SEPTIN8: variants seen among roughly 807,000 people sequenced by gnomAD.
SEPTIN8 encodes septin-8.
Under a neutral mutation model 53.1 loss-of-function variants are expected in SEPTIN8, and 22 were observed. That is an observed-to-expected ratio of 0.41 (90% confidence interval 0.30 to 0.59). The LOEUF is 0.59. Ranked by LOEUF, SEPTIN8 falls within the 20% of genes least tolerant of loss-of-function variation. SEPTIN8 has a pLI of 0.24. For synonymous variants in SEPTIN8, 228 were observed against 248.4 expected, an observed-to-expected ratio of 0.92 and a Z score of 0.77; for missense variants, 536 against 638.7, an observed-to-expected ratio of 0.84 and a Z score of 1.73.
chr5:132,776,444 C>A lies in SEPTIN8; in HGVS notation c.30+664G>T, dbSNP rs1000793754. Among the ~76,000 whole-genome samples, 10 of 152,216 alleles carry A rather than the reference C, an allele frequency of 6.6e-5. No individual in the cohort carries two copies. The highest frequency in any genetic ancestry group is 1.3e-4 in the Non-Finnish European group (9 of 68,038). On this transcript the variant is annotated intron_variant, in intron 1 of 9. Coordinates refer to ENST00000378719, the MANE Select transcript of SEPTIN8 (RefSeq NM_001098811.2). This position sits in a 1 kb window ranked among gnomAD's most constrained non-coding sequence, Gnocchi z 4.4. ...CCTTCTGAGGACCTGGACTGGAGCC[C>A]AAATAAACGCCCACTGGGCTGAGTC... is the stretch of plus-strand genomic sequence containing the variant.
rs538798379 is a variant in SEPTIN8 at position 132,770,175 on chromosome 5, G to GTA, written c.31-4648_31-4647dup. 5.0e-3 allele frequency among the ~76,000 whole-genome samples: 660 copies of GTA among 131,338 alleles called. 7 individuals carry two copies. The highest frequency in any genetic ancestry group is 0.04 in the South Asian group (171 of 4,302). 86.2% of individuals were successfully genotyped at this position (131,338 alleles called of 152,430 possible). A position where few individuals can be genotyped will look rare whatever the true frequency, so the allele number is the denominator to read the frequency against. ...TATATATATATATATATGTATATAT[G>GTA]TATATATATGTATGTATGTATTTTT... On this transcript the variant is annotated intron_variant, in intron 1 of 9. Transcript: ENST00000378719.
chr5:132,754,267 G>A (rs1313996961), intron 9 of SEPTIN8: 2 of 638,196 alleles, frequency 3.1e-6, no homozygotes, highest in Admixed American at 5.0e-5. Context: ...CTCTCCTCTA[G>A]TCCAGAACCC....
At position 132,761,515 on chromosome 5, in the gene SEPTIN8, C is replaced by T. The variant is rs138928263; in HGVS notation, c.905G>A (p.Arg302His). 6.5e-3 allele frequency: 10,465 copies of T among 1,613,714 alleles called. 37 individuals are homozygous for T. The highest frequency in any genetic ancestry group is 7.3e-3 in the Non-Finnish European group (8,592 of 1,180,004). Residue 302 changes from arginine (R) to histidine (H), a missense_variant, in exon 7 of 10, where the codon CGC becomes CAC. Around this residue, in one of 3 missense-constraint regions of SEPTIN8, gnomAD observed 395 missense variants for 451.8 expected, o/e 0.87. Transcript: ENST00000378719. The surrounding 1 kb of genome is among the most constrained non-coding windows in gnomAD (Gnocchi z 5.8). ...THSRHYELYR[R>H]CKLEEMGFQD... is the part of the protein sequence containing the mutation. ...AAAGCCCATCTCCTCCAACTTGCAG[C>T]GCCGGTAGAGCTCGTAGTGCCGGCT... is the stretch of plus-strand genomic sequence containing the variant.
intron 1 of SEPTIN8, among the ~76,000 whole-genome samples, chr5:132,771,828 G>C (rs1757348495): frequency 6.9e-6 from 1 of 145,910 alleles, no homozygotes; most frequent in African/African-American, 2.5e-5. Flanking sequence ...TCCACAGCAA[G>C]CCTCTAAGCC....
intron 4 of SEPTIN8, 46 bp downstream of exon 4, chr5:132,763,657 CGCA>C: frequency 6.4e-7 from 1 of 1,557,890 alleles, no homozygotes; most frequent in Non-Finnish European, 8.8e-7. Flanking sequence ...CACATCGCAT[CGCA>C]GCAGAAGACT....
intron 1 of SEPTIN8, among the ~76,000 whole-genome samples, chr5:132,771,842 G>A (rs1268249227): frequency 7.0e-6 from 1 of 142,392 alleles, no homozygotes; most frequent in Admixed American, 7.0e-5. Context: ...CTAAGCCCAG[G>A]TCAGAGGTTA....
intron 9 of SEPTIN8, chr5:132,759,029 A>C (rs1217476980): frequency 2.8e-6 from 2 of 708,534 alleles, no homozygotes; most frequent in African/African-American, 3.5e-5. Flanking sequence ...GTAATTTTGC[A>C]AAAAATTTGG....
chr5:132,755,336 T>A (rs531519215), intron 9 of SEPTIN8, among the ~76,000 whole-genome samples: 1 of 152,284 alleles, frequency 6.6e-6, no homozygotes. Flanking sequence ...GCTTTCTACC[T>A]CTAAAAAACA....
chr5:132,761,125 G>A lies in SEPTIN8; in HGVS notation c.1095+8C>T. On this transcript the variant is annotated splice_region_variant and intron_variant, in intron 8 of 9. Coordinates refer to ENST00000378719, the MANE Select transcript of SEPTIN8 (RefSeq NM_001098811.2). This position sits in a 1 kb window ranked among gnomAD's most constrained non-coding sequence, Gnocchi z 5.8. ...CTTCCCCATCCCAGCCCCCAGCCTG[G>A]CACATACCTCCCTTTCCTTCTCCTT... is the stretch of plus-strand genomic sequence containing the variant. The A allele has an allele frequency of 1.9e-6, 3 of 1,614,128 alleles. No individual in the cohort carries two copies. The highest frequency in any genetic ancestry group is 2.5e-6 in the Non-Finnish European group (3 of 1,179,984).
In SEPTIN8 at chr5:132,751,180, TC is replaced by T; in HGVS notation, c.*835del. Reference sequence around the variant, plus strand: ...AAAGGTATCTTAAATCCAACACAGTTCCACCAGACTCCCACTTCTAAAGGAC... The same window carrying T: ...AAAGGTATCTTAAATCCAACACAGTTCACCAGACTCCCACTTCTAAAGGAC... On this transcript the variant is annotated 3_prime_UTR_variant, in exon 10 of 10. Transcript: ENST00000378719. 1.9e-6 allele frequency: 1 copy of T among 535,754 alleles called. No individual in the cohort carries two copies. Among genetic ancestry groups the T allele is most frequent in the Non-Finnish European group, 3.1e-6 (1 of 318,440 alleles). 33.2% of individuals were successfully genotyped at this position (535,754 alleles called of 1,614,324 possible). A position where few individuals can be genotyped will look rare whatever the true frequency, so the allele number is the denominator to read the frequency against.
At chr5:132,763,430 C>T (rs1019395423) in intron 4 of SEPTIN8, among the ~76,000 whole-genome samples, 8 of 152,058 alleles carry the variant, frequency 5.3e-5, no homozygotes, top group Admixed American at 2.0e-4. Context: ...CTATCGGGAG[C>T]GGGAGGGGCT....
chr5:132,772,633 C>T (rs1757428634), intron 1 of SEPTIN8, among the ~76,000 whole-genome samples: 1 of 152,346 alleles, frequency 6.6e-6, no homozygotes, highest in African/African-American at 2.4e-5. Context: ...GGTGCCCCGC[C>T]TTCTGTCCAA....
chr5:132,752,508 C>T (rs996991660), intron 9 of SEPTIN8, among the ~76,000 whole-genome samples: 2 of 152,166 alleles, frequency 1.3e-5, no homozygotes, highest in African/African-American at 4.8e-5. Flanking sequence ...TAGGAGGAAG[C>T]AACCCTGAGC....
chr5:132,762,694 G>A (rs368712204), intron 4 of SEPTIN8, 49 bp from the exon 5 acceptor site: 141 of 1,595,604 alleles, frequency 8.8e-5, no homozygotes, highest in Middle Eastern at 8.3e-4. Flanking sequence ...TCTTTTGAGC[G>A]GTGGTTCCCA....
intron 1 of SEPTIN8, among the ~76,000 whole-genome samples, chr5:132,771,970 G>A (rs1757368692): frequency 6.6e-6 from 1 of 152,176 alleles, no homozygotes; most frequent in African/African-American, 2.4e-5. Flanking sequence ...ACACCTGGGA[G>A]CCAAAGCATC....
At position 132,761,694 on chromosome 5, in the gene SEPTIN8, G is replaced by A. The variant is rs1282419040; in HGVS notation, c.794-68C>T. The A allele has an allele frequency of 5.6e-6, 9 of 1,594,554 alleles. No homozygotes were observed. Among genetic ancestry groups the A allele is most frequent in the Non-Finnish European group, 7.7e-6 (9 of 1,168,454 alleles). On this transcript the variant is annotated intron_variant, in intron 6 of 9. Coordinates refer to ENST00000378719, the MANE Select transcript of SEPTIN8 (RefSeq NM_001098811.2). The surrounding 1 kb of genome is among the most constrained non-coding windows in gnomAD (Gnocchi z 5.8). ...CGGGCACACTCCAGAGTCAGGGTAG[G>A]CACGCAGGTGGGCATGAGGAGGAAA...
At chr5:132,758,510 T>C (rs1030728705) in intron 9 of SEPTIN8, 2 of 1,613,340 alleles carry the variant, frequency 1.2e-6, no homozygotes, top group African/African-American at 1.3e-5. Flanking sequence ...ACATAACAGC[T>C]CCGTCAGGGA....
rs1755773187 is a variant in SEPTIN8, at chr5:132,760,343, A to G, written c.1286+459T>C. On this transcript the variant is annotated intron_variant, in intron 9 of 9. Transcript: ENST00000378719. The surrounding 1 kb of genome is among the most constrained non-coding windows in gnomAD (Gnocchi z 5.2). ...GGTCCTGTCCCGCCCCTGGCCTGAAAGACCATTCCCAGCATTCCCAGAGCC... is the reference window on the plus strand; with the variant it reads ...GGTCCTGTCCCGCCCCTGGCCTGAAGGACCATTCCCAGCATTCCCAGAGCC... 6.6e-6 allele frequency among the ~76,000 whole-genome samples: 1 copy of G among 152,120 alleles called. No homozygotes were observed.
chr5:132,757,840 T>C (rs1755485431), intron 9 of SEPTIN8: 2 of 985,340 alleles, frequency 2.0e-6, no homozygotes, highest in African/African-American at 1.7e-5. Flanking sequence ...TAATTGTCTA[T>C]ATACATCAGA....
Sources: gnomAD v4.1 joint callset for allele counts (sites outside exome capture counted in the v4.1 genomes callset) on GRCh38, gnomAD v4.1.1 for gene constraint, gnomAD v4.1.1 regional missense constraint, Gnocchi (gnomAD v3.1) non-coding constraint, MANE v1.5 for transcripts, NCBI Gene and HGNC (gene_info 2026-07-23, HGNC 2026-07-21) for gene names.